The following C1orf105 variants were observed in gnomAD, a reference collection of about 807,000 sequenced individuals.
C1orf105 encodes chromosome 1 open reading frame 105.
C1orf105 carries 17 observed loss-of-function variants against 20.8 expected under a neutral mutation model. The observed-to-expected ratio is 0.82, with a 90% CI of 0.56 to 1.23. C1orf105 has a LOEUF of 1.23. Ranked by LOEUF, C1orf105 falls within the 50% of genes most tolerant of loss-of-function variation. The pLI is 0.00. For missense variants in C1orf105, 219 were observed against 213.5 expected, an observed-to-expected ratio of 1.03 and a Z score of -0.16; for synonymous variants, 72 against 72.1, an observed-to-expected ratio of 1.00 and a Z score of 0.01.
chr1:172,465,672 C>T (rs2901656), intron 6 of C1orf105: 249,740 of 514,222 alleles, frequency 0.49, 61,976 homozygotes, highest in East Asian at 0.69. Context: ...ATAAAAGTTC[C>T]CCTATTGGCA....
At chr1:172,459,758 A>G (rs2149189612) in intron 4 of C1orf105, among the ~76,000 whole-genome samples, 1 of 152,320 alleles carries the variant, frequency 6.6e-6, no homozygotes, top group East Asian at 1.9e-4. Flanking sequence ...AAGAATGCAC[A>G]TAGCAGCCAT....
At chr1:172,438,341 G>C (rs2072108839) in intron 1 of C1orf105, among the ~76,000 whole-genome samples, 1 of 152,196 alleles carries the variant, frequency 6.6e-6, no homozygotes. Context: ...TAACTTGTGA[G>C]AGGAGGTCAA....
intron 1 of C1orf105, among the ~76,000 whole-genome samples, chr1:172,434,698 G>C (rs575604612): frequency 6.6e-6 from 1 of 152,118 alleles, no homozygotes; most frequent in Admixed American, 6.6e-5. Context: ...AAGAACTAGA[G>C]AAGCAAAAGC....
intron 1 of C1orf105, chr1:172,441,857 G>A (rs1306076149): frequency 6.2e-7 from 1 of 1,614,156 alleles, no homozygotes; most frequent in Admixed American, 1.7e-5. Flanking sequence ...ATCAGCAGAA[G>A]GGCAAAGAGT....
At position 172,445,120 on chromosome 1, in the gene C1orf105, C is replaced by T; in HGVS notation, c.69C>T (p.Ser23=). 1.9e-6 allele frequency: 3 copies of T among 1,613,590 alleles called. No individual in the cohort carries two copies. Among genetic ancestry groups the T allele is most frequent in the Non-Finnish European group, 1.7e-6 (2 of 1,179,830 alleles). ...AGATTCCTTGGCTTAGTGAGGCCAGCCTTGTAAACAAGCCATTAGTGCTCA... is the reference window on the plus strand; with the variant it reads ...AGATTCCTTGGCTTAGTGAGGCCAGTCTTGTAAACAAGCCATTAGTGCTCA... ...FDKIPWLSEA[S]LVNKPLVLSL... The change falls in exon 2 of 7, where the codon AGC becomes AGT. Residue 23 remains serine, a synonymous_variant. Transcript: ENST00000367727.
chr1:172,462,306 G>A (rs1649758829), intron 5 of C1orf105, 61 bp downstream of exon 5: 10 of 1,223,070 alleles, frequency 8.2e-6, no homozygotes, highest in Non-Finnish European at 1.2e-5. Flanking sequence ...GGACACAGGA[G>A]AGTGGATTGA....
At chr1:172,444,900 T>C (rs1647798555) in intron 1 of C1orf105, among the ~76,000 whole-genome samples, 173 bp from the exon 2 acceptor site, 1 of 152,214 alleles carries the variant, frequency 6.6e-6, no homozygotes, top group African/African-American at 2.4e-5. Context: ...ATCAGTAAAA[T>C]GGAGATGACA....
chr1:172,467,592 G>T (rs1054036210), intron 6 of C1orf105, among the ~76,000 whole-genome samples: 1 of 152,114 alleles, frequency 6.6e-6, no homozygotes, highest in Non-Finnish European at 1.5e-5. Context: ...AGAATGTCTG[G>T]GTTCTGGTTC....
chr1:172,456,364 C>G (rs530333709), intron 3 of C1orf105, 51 bp from the exon 4 acceptor site: 2 of 1,499,992 alleles, frequency 1.3e-6, no homozygotes, highest in Admixed American at 1.7e-5. Flanking sequence ...TCTTTGCTGC[C>G]CTACATGCCC....
At chr1:172,421,005 T>G in intron 1 of C1orf105, 99 bp downstream of exon 1, 1 of 1,086,478 alleles carries the variant, frequency 9.2e-7, no homozygotes. Context: ...TGAGGGGTGT[T>G]TCAACAGACA....
intron 2 of C1orf105, 68 bp from the exon 3 acceptor site, chr1:172,448,373 A>G: frequency 9.2e-7 from 1 of 1,087,014 alleles, no homozygotes; most frequent in Non-Finnish European, 1.4e-6. Context: ...TCTCTCAGAA[A>G]CAACCAAGGG....
At chr1:172,466,019 C>A (rs753596263) in intron 6 of C1orf105, among the ~76,000 whole-genome samples, 11 of 152,170 alleles carry the variant, frequency 7.2e-5, no homozygotes, top group Non-Finnish European at 1.6e-4. Context: ...TCATTTGCTC[C>A]CATATTGACT....
chr1:172,463,382 T>C (rs1649828402), intron 5 of C1orf105, among the ~76,000 whole-genome samples: 1 of 152,232 alleles, frequency 6.6e-6, no homozygotes, highest in Non-Finnish European at 1.5e-5. Flanking sequence ...ATGTCCTGAT[T>C]CCTTTTATGA....
intron 1 of C1orf105, among the ~76,000 whole-genome samples, chr1:172,432,224 C>A (rs2071895674): frequency 1.3e-5 from 2 of 152,324 alleles, no homozygotes; most frequent in East Asian, 1.9e-4. Flanking sequence ...TGTGACAGCT[C>A]TGAAGAGAGC....
intron 1 of C1orf105, among the ~76,000 whole-genome samples, chr1:172,423,189 T>C (rs1452914969): frequency 4.6e-5 from 7 of 152,210 alleles, no homozygotes; most frequent in African/African-American, 1.7e-4. Context: ...CCCAGTGCTA[T>C]GCTGGCTTCA....
intron 1 of C1orf105, chr1:172,443,154 G>C (rs1647529050): frequency 5.9e-6 from 1 of 168,390 alleles, no homozygotes; most frequent in African/African-American, 2.4e-5. Flanking sequence ...AAGTAACTTT[G>C]CCCTAAGGTA....
In C1orf105 at chr1:172,455,182, A is replaced by G. The variant is rs139477051; in HGVS notation, c.199-1233A>G. 7.2e-5 allele frequency among the ~76,000 whole-genome samples: 11 copies of G among 152,318 alleles called. No individual in the cohort carries two copies. In the East Asian group the frequency reaches 1.9e-3, roughly 27 times the overall value. On this transcript the variant is annotated intron_variant, in intron 3 of 6. Coordinates refer to ENST00000367727, the MANE Select transcript of C1orf105 (RefSeq NM_139240.4). ...TTTAAATGTTTCTCAAAAGAATCCAACTTTGTTAACAGTTTTTAGCCCTCA... is the reference window on the plus strand; with the variant it reads ...TTTAAATGTTTCTCAAAAGAATCCAGCTTTGTTAACAGTTTTTAGCCCTCA...
chr1:172,448,794 G>T (rs1648291764), intron 3 of C1orf105, among the ~76,000 whole-genome samples: 1 of 152,246 alleles, frequency 6.6e-6, no homozygotes, highest in South Asian at 2.1e-4. Flanking sequence ...GGAGGAATCT[G>T]CCCCAAGACT....
At position 172,465,317 on chromosome 1, in the gene C1orf105, C is replaced by G; in HGVS notation, c.360C>G (p.Pro120=). The G allele has an allele frequency of 6.2e-7, 1 of 1,613,078 alleles. No individual in the cohort carries two copies. The highest frequency in any genetic ancestry group is 8.5e-7 in the Non-Finnish European group (1 of 1,179,076). Residue 120 remains proline (P), a synonymous_variant, in exon 6 of 7, where the codon CCC becomes CCG. Coordinates refer to ENST00000367727, the MANE Select transcript of C1orf105 (RefSeq NM_139240.4). ...CAATCAGAATGAGTCTTCATCAACCCAAATTCCAGACTACACCTGAGCCTT... is the reference window on the plus strand; with the variant it reads ...CAATCAGAATGAGTCTTCATCAACCGAAATTCCAGACTACACCTGAGCCTT... The part of the protein sequence containing the change: ...CMSYRMSLHQ[P]KFQTTPEPFH...
Sources: gnomAD v4.1 joint callset for allele counts (sites outside exome capture counted in the v4.1 genomes callset) on GRCh38, gnomAD v4.1.1 for gene constraint, MANE v1.5 for transcripts, NCBI Gene and HGNC (gene_info 2026-07-23, HGNC 2026-07-21) for gene names.